Variants in PRKAG2 observed in about 807,000 individuals in gnomAD.
PRKAG2 encodes protein kinase AMP-activated non-catalytic subunit gamma 2, also known as 5'-AMP-activated protein kinase subunit gamma-2.
Under a neutral mutation model 69.6 loss-of-function variants are expected in PRKAG2, and 26 were observed. The observed-to-expected ratio is 0.37, with a 90% CI of 0.27 to 0.52. PRKAG2 has a LOEUF of 0.52. PRKAG2 is among the 20% of genes least tolerant of loss of function. The probability of loss-of-function intolerance (pLI) is 0.90; values close to 1 mark genes in which losing one functional copy is unlikely to be tolerated. For synonymous variants in PRKAG2, 293 were observed against 285.0 expected (o/e 1.03, Z -0.28); for missense variants, 557 against 740.0 (o/e 0.75, Z 2.87).
At chr7:151,791,612 T>C (rs1220638469) in intron 1 of PRKAG2, among the ~76,000 whole-genome samples, 1 of 152,186 alleles carries the variant, frequency 6.6e-6, no homozygotes, top group African/African-American at 2.4e-5. Flanking sequence ...ACCACATGTG[T>C]TGGAGATAAA....
chr7:151,736,378 C>A, intron 3 of PRKAG2: 6 of 962,266 alleles, frequency 6.2e-6, no homozygotes, highest in African/African-American at 2.2e-5. Flanking sequence ...TGATACTCTC[C>A]AGGGCTTTTT....
Position 151,666,036 on chromosome 7 carries a change from T to C in PRKAG2, c.684+9384A>G, listed in dbSNP as rs760877306. Among the ~76,000 whole-genome samples the C allele has an allele frequency of 2.4e-4, 36 of 152,170 alleles. 1 individual carries two copies. The highest frequency in any genetic ancestry group is 4.3e-4 in the Non-Finnish European group (29 of 68,038). On this transcript the variant is annotated intron_variant, in intron 4 of 15. Coordinates refer to ENST00000287878, the MANE Select transcript of PRKAG2 (RefSeq NM_016203.4). ...AAAAACAACCCAAAGCTCTTGAGTT[T>C]ATTATCCATGGCTCAATTCACTGAG...
intron 13 of PRKAG2, 66 bp downstream of exon 13, chr7:151,565,280 A>C: frequency 8.2e-7 from 1 of 1,222,986 alleles, no homozygotes; most frequent in Non-Finnish European, 1.1e-6. Context: ...AAAAACATAA[A>C]AACACATTAC....
At chr7:151,864,200 G>C (rs1055590544) in intron 1 of PRKAG2, among the ~76,000 whole-genome samples, 27 of 152,202 alleles carry the variant, frequency 1.8e-4, no homozygotes, top group African/African-American at 6.3e-4. Context: ...CACAGGGCCG[G>C]CAGATGGCAA....
At chr7:151,610,063 C>A (rs1182558346) in intron 5 of PRKAG2, among the ~76,000 whole-genome samples, 2 of 152,208 alleles carry the variant, frequency 1.3e-5, no homozygotes, top group Non-Finnish European at 1.5e-5. Context: ...ACAGGGACTG[C>A]TGCTTACTTT....
intron 4 of PRKAG2, among the ~76,000 whole-genome samples, chr7:151,658,762 A>G (rs1363998300): frequency 2.6e-5 from 4 of 152,232 alleles, no homozygotes; most frequent in Admixed American, 1.3e-4. Context: ...ATCTAGCAGA[A>G]CACATTATAA....
chr7:151,876,362 G>A (rs374280688), intron 1 of PRKAG2, 145 bp downstream of exon 1: 7 of 794,962 alleles, frequency 8.8e-6, no homozygotes, highest in African/African-American at 6.8e-5. Flanking sequence ...CTCGGGCCCT[G>A]TCCCTCTACC....
chr7:151,708,650 C>T (rs1047910908), intron 3 of PRKAG2, among the ~76,000 whole-genome samples: 16 of 152,148 alleles, frequency 1.1e-4, no homozygotes, highest in South Asian at 2.1e-4. Context: ...GCTTTCCTGT[C>T]GTACCCCGTG....
In PRKAG2 at chr7:151,806,062, G is replaced by A. The variant is rs562596550; in HGVS notation, c.115-19521C>T. ...AAATTAGCTGGGCGTGGTGGTGGCC[G>A]CCTGTAGTCCCAGCTACTCAGGAGG... On this transcript the variant is annotated intron_variant, in intron 1 of 15. Coordinates refer to ENST00000287878, the MANE Select transcript of PRKAG2 (RefSeq NM_016203.4). 5.9e-5 allele frequency among the ~76,000 whole-genome samples: 9 copies of A among 152,292 alleles called. No individual in the cohort carries two copies. In the South Asian group the frequency reaches 8.3e-4, roughly 14 times the overall value.
In PRKAG2 at chr7:151,568,696, A is replaced by G; in HGVS notation, c.1233+20T>C. The G allele has an allele frequency of 6.2e-7, 1 of 1,612,598 alleles. No individual in the cohort carries two copies. Among genetic ancestry groups the G allele is most frequent in the Non-Finnish European group, 8.5e-7 (1 of 1,178,846 alleles). Reference sequence around the variant, plus strand: ...TAAGTAAATGCAATTATGTCTTTAGAAACGCTAAAAACTACTTACAAAAAG... The same window carrying G: ...TAAGTAAATGCAATTATGTCTTTAGGAACGCTAAAAACTACTTACAAAAAG... On this transcript the variant is annotated intron_variant, in intron 11 of 15. Coordinates refer to ENST00000287878, the MANE Select transcript of PRKAG2 (RefSeq NM_016203.4).
chr7:151,674,062 G>C (rs2727536), intron 4 of PRKAG2, among the ~76,000 whole-genome samples: 131,311 of 152,136 alleles, frequency 0.86, 57,110 homozygotes, highest in African/African-American at 0.96. Context: ...AGGCTGGTCT[G>C]GAACTCCTGG....
At chr7:151,586,500 A>G (rs2151090415) in intron 6 of PRKAG2, among the ~76,000 whole-genome samples, 1 of 152,314 alleles carries the variant, frequency 6.6e-6, no homozygotes, top group East Asian at 1.9e-4. Context: ...AATATCACGA[A>G]CAGGTTAGGA....
chr7:151,612,653 G>A (rs1209498627), intron 5 of PRKAG2, among the ~76,000 whole-genome samples: 1 of 152,194 alleles, frequency 6.6e-6, no homozygotes, highest in Admixed American at 6.5e-5. Flanking sequence ...CAGTCCAGGG[G>A]TCTGACCAGC....
chr7:151,822,809 C>T (rs75148842), intron 1 of PRKAG2, among the ~76,000 whole-genome samples: 17,466 of 152,158 alleles, frequency 0.11, 1,142 homozygotes, highest in East Asian at 0.24. Context: ...AGGGACCTGC[C>T]TCCACACCTC....
At chr7:151,641,244 CTTTTTTTTT>C (rs374667332) in intron 4 of PRKAG2, among the ~76,000 whole-genome samples, 2,250 of 105,760 alleles carry the variant, frequency 0.021, 59 homozygotes, top group African/African-American at 0.075. Flanking sequence ...TTCTTTTTTC[CTTTTTTTTT>C]TTTTTTTTTT....
chr7:151,874,748 T>G (rs2080346874), intron 1 of PRKAG2, among the ~76,000 whole-genome samples: 1 of 152,048 alleles, frequency 6.6e-6, no homozygotes, highest in Non-Finnish European at 1.5e-5. Context: ...ATTAGATGGG[T>G]GTGGTGGCAC....
chr7:151,817,003 C>T (rs1187337137), intron 1 of PRKAG2, among the ~76,000 whole-genome samples: 7 of 152,136 alleles, frequency 4.6e-5, no homozygotes, highest in African/African-American at 1.4e-4. Flanking sequence ...AGCAATTCCA[C>T]GTCTCAGGGA....
chr7:151,802,992 C>G (rs1306869309), intron 1 of PRKAG2, among the ~76,000 whole-genome samples: 1 of 150,780 alleles, frequency 6.6e-6, no homozygotes, highest in Non-Finnish European at 1.5e-5. Context: ...GGGTCTCGCT[C>G]TGTTGCTCAG....
intron 3 of PRKAG2, among the ~76,000 whole-genome samples, chr7:151,735,100 C>T (rs1799566099): frequency 6.6e-6 from 1 of 152,102 alleles, no homozygotes; most frequent in South Asian, 2.1e-4. Context: ...AGGTGATCCG[C>T]CTGTTTTGGT....
Sources: gnomAD v4.1 joint callset for allele counts (sites outside exome capture counted in the v4.1 genomes callset) on GRCh38, gnomAD v4.1.1 for gene constraint, MANE v1.5 for transcripts, NCBI Gene and HGNC (gene_info 2026-07-23, HGNC 2026-07-21) for gene names.